Variants in SAXO4 observed in about 807,000 individuals in gnomAD.
SAXO4 encodes protein phosphatase 1 regulatory subunit 32.
the SAXO4 span, among the ~76,000 whole-genome samples, chr11:61,483,750 G>T: frequency 6.6e-6 from 1 of 150,798 alleles, no homozygotes; most frequent in African/African-American, 2.4e-5. Flanking sequence ...TTGAGGTCAG[G>T]AGTTTGAGAC....
At chr11:61,488,388 C>G in the SAXO4 span, among the ~76,000 whole-genome samples, 8 of 150,880 alleles carry the variant, frequency 5.3e-5, no homozygotes, top group African/African-American at 2.0e-4. Context: ...CACTGCAAAC[C>G]CCGCCTCCCG....
chr11:61,483,164 C>CTTTTTTTTTTTTTTTT, the SAXO4 span, among the ~76,000 whole-genome samples: 1 of 119,350 alleles, frequency 8.4e-6, no homozygotes, highest in Non-Finnish European at 1.7e-5. Flanking sequence ...ATTTCTTTTT[C>CTTTTTTTTTTTTTTTT]TTTTTTTTTT....
chr11:61,481,725 C>T, the SAXO4 span: 10 of 707,278 alleles, frequency 1.4e-5, no homozygotes, highest in Non-Finnish European at 2.0e-5. Flanking sequence ...ATCTTCGCCC[C>T]TGTGGGCTTC....
At chr11:61,484,861 C>A in the SAXO4 span, 1 of 1,514,566 alleles carries the variant, frequency 6.6e-7, no homozygotes, top group East Asian at 2.5e-5. Flanking sequence ...GGCAGAGGGG[C>A]CACACCCGCC....
the SAXO4 span, chr11:61,490,051 A>G: frequency 1.7e-6 from 2 of 1,156,104 alleles, no homozygotes; most frequent in East Asian, 2.5e-5. Context: ...GTTCATTCCT[A>G]TGAGAGGCCC....
At chr11:61,484,999 A>G in the SAXO4 span, among the ~76,000 whole-genome samples, 1 of 152,156 alleles carries the variant, frequency 6.6e-6, no homozygotes, top group African/African-American at 2.4e-5. Flanking sequence ...AATAGCCTCA[A>G]TGTGGCTTCT....
chr11:61,484,410 G>A, the SAXO4 span, among the ~76,000 whole-genome samples: 2 of 152,332 alleles, frequency 1.3e-5, no homozygotes, highest in Middle Eastern at 6.8e-3. Flanking sequence ...CCAACAGCAA[G>A]TGCAAAGGCC....
At chr11:61,488,433 T>C in the SAXO4 span, among the ~76,000 whole-genome samples, 7 of 151,254 alleles carry the variant, frequency 4.6e-5, no homozygotes, top group African/African-American at 1.7e-4. Context: ...GCCTCCCGAG[T>C]AGCTGGGACT....
chr11:61,487,538 C>T, the SAXO4 span, among the ~76,000 whole-genome samples: 1 of 152,212 alleles, frequency 6.6e-6, no homozygotes, highest in Non-Finnish European at 1.5e-5. Context: ...CTCAGAACTA[C>T]CCCAGTCAAA....
At chr11:61,487,211 T>C in the SAXO4 span, 1 of 1,613,890 alleles carries the variant, frequency 6.2e-7, no homozygotes, top group Non-Finnish European at 8.5e-7. Flanking sequence ...CTGACAGGGA[T>C]CAGCGATACC....
the SAXO4 span, among the ~76,000 whole-genome samples, chr11:61,483,961 C>A: frequency 1.3e-5 from 2 of 148,708 alleles, no homozygotes; most frequent in Admixed American, 6.7e-5. Context: ...TAAAGCCAGG[C>A]GTGGTGGCTC....
chr11:61,489,674 G>A, the SAXO4 span: 5 of 1,173,248 alleles, frequency 4.3e-6, no homozygotes, highest in South Asian at 2.5e-5. Context: ...GACAGCATGA[G>A]CAAAGGTGGG....
the SAXO4 span, chr11:61,485,475 T>C: frequency 5.1e-6 from 7 of 1,382,668 alleles, no homozygotes; most frequent in Non-Finnish European, 7.1e-6. Context: ...CCAGGGGCCC[T>C]GGAGCTGGCC....
At chr11:61,490,159 C>T in the SAXO4 span, among the ~76,000 whole-genome samples, 12 of 152,140 alleles carry the variant, frequency 7.9e-5, no homozygotes, top group African/African-American at 2.9e-4. Flanking sequence ...CTCCTCCTCC[C>T]TCTCCTGCCC....
the SAXO4 span, among the ~76,000 whole-genome samples, chr11:61,482,112 C>G: frequency 2.0e-5 from 3 of 152,210 alleles, no homozygotes; most frequent in Admixed American, 1.3e-4. Flanking sequence ...TTCTGCCACA[C>G]TGACCTTGTC....
chr11:61,490,436 C>T, the SAXO4 span: 1 of 1,439,650 alleles, frequency 6.9e-7, no homozygotes, highest in South Asian at 1.1e-5. Flanking sequence ...AGGCAGAAGA[C>T]AAGAAGACAA....
the SAXO4 span, chr11:61,489,502 A>T: frequency 3.5e-6 from 2 of 577,564 alleles, no homozygotes; most frequent in African/African-American, 1.9e-5. Context: ...AGTGGATGAG[A>T]CGGGGTCCCC....
the SAXO4 span, chr11:61,486,474 TG>T: frequency 1.9e-6 from 3 of 1,612,414 alleles, no homozygotes; most frequent in Non-Finnish European, 2.5e-6. Context: ...TGGAAGGTGG[TG>T]GGGGAGGCAG....
At chr11:61,482,917 C>A in the SAXO4 span, 1 of 1,165,408 alleles carries the variant, frequency 8.6e-7, no homozygotes, top group South Asian at 1.6e-5. Context: ...GGAGCAGCCA[C>A]CTTGTAGGGA....
Sources: gnomAD v4.1 joint callset for allele counts (sites outside exome capture counted in the v4.1 genomes callset) on GRCh38, gnomAD v4.1.1 for gene constraint, MANE v1.5 for transcripts, NCBI Gene and HGNC (gene_info 2026-07-23, HGNC 2026-07-21) for gene names.